NCKAP5: variants seen among roughly 807,000 people sequenced by gnomAD.
NCKAP5 encodes the protein NCK associated protein 5.
In NCKAP5, 92 loss-of-function variants were observed where a neutral mutation model predicts 167.0. The ratio of observed to expected loss-of-function variants is 0.55; its 90% CI spans 0.47 to 0.66. The LOEUF (loss-of-function observed/expected upper bound fraction) is 0.66. Ranked by LOEUF, NCKAP5 falls within the 30% of genes least tolerant of loss-of-function variation. The pLI, the probability that NCKAP5 is intolerant of heterozygous loss-of-function variation, is 0.00. For synonymous variants in NCKAP5, 891 were observed against 877.4 expected (o/e 1.02, Z -0.27); for missense variants, 2,378 against 2,315.0 (o/e 1.03, Z -0.56).
the NCKAP5 span, among the ~76,000 whole-genome samples, chr2:133,620,433 T>A: frequency 1.3e-5 from 2 of 151,990 alleles, no homozygotes; most frequent in Admixed American, 1.3e-4. Context: ...AAAAAGATAG[T>A]CCATGCAAAT....
intron 6 of NCKAP5, among the ~76,000 whole-genome samples, chr2:133,124,281 A>G (rs2082336018): frequency 6.6e-6 from 1 of 152,202 alleles, no homozygotes; most frequent in Non-Finnish European, 1.5e-5. Flanking sequence ...CCCCTTATTT[A>G]GAGGTACAAT....
intron 16 of NCKAP5, among the ~76,000 whole-genome samples, chr2:132,732,662 A>G (rs1691143459): frequency 6.6e-6 from 1 of 152,236 alleles, no homozygotes; most frequent in Admixed American, 6.5e-5. Flanking sequence ...CCTTATTTCA[A>G]TCTGGGAATC....
In NCKAP5 at chr2:132,781,034, G is replaced by C. The variant is rs754257387; in HGVS notation, c.5049+18C>G. ...TCTCAGATTGTAGCACTTGATACCA[G>C]GATGGTGGAGCACTTACCAGGGAGT... On this transcript the variant is annotated intron_variant, in intron 15 of 19. Transcript: ENST00000409261. 1.9e-6 allele frequency: 3 copies of C among 1,611,030 alleles called. No homozygotes were observed. In the South Asian group the frequency reaches 3.3e-5, roughly 18 times the overall value.
intron 16 of NCKAP5, among the ~76,000 whole-genome samples, chr2:132,760,863 T>A (rs925460639): frequency 6.6e-6 from 1 of 152,200 alleles, no homozygotes; most frequent in Non-Finnish European, 1.5e-5. Flanking sequence ...CTTCTGCCAT[T>A]CTTATTACAT....
At chr2:133,176,256 A>G (rs1052538038) in intron 5 of NCKAP5, among the ~76,000 whole-genome samples, 1 of 152,250 alleles carries the variant, frequency 6.6e-6, no homozygotes, top group East Asian at 1.9e-4. Flanking sequence ...GTTGCCATGA[A>G]AAGCCACATC....
intron 4 of NCKAP5, among the ~76,000 whole-genome samples, chr2:133,249,563 G>A (rs765860575): frequency 3.3e-5 from 5 of 152,186 alleles, no homozygotes; most frequent in Non-Finnish European, 5.9e-5. Context: ...ATCTCTGATT[G>A]TTCTAGGTAC....
intron 3 of NCKAP5, among the ~76,000 whole-genome samples, chr2:133,484,953 G>A (rs571441568): frequency 3.9e-4 from 60 of 152,282 alleles, no homozygotes; most frequent in African/African-American, 1.4e-3. Context: ...AACAGAATAT[G>A]CAAAATCAGG....
intron 6 of NCKAP5, among the ~76,000 whole-genome samples, chr2:133,092,586 C>A (rs183946646): frequency 6.7e-6 from 1 of 149,502 alleles, no homozygotes; most frequent in East Asian, 1.9e-4. Flanking sequence ...CCTAAAATAA[C>A]ATAATTTTTT....
intron 8 of NCKAP5, among the ~76,000 whole-genome samples, chr2:132,917,997 T>C (rs1170976780): frequency 6.6e-5 from 10 of 152,208 alleles, no homozygotes; most frequent in Admixed American, 6.5e-4. Context: ...TAAAATGCTG[T>C]CCATGCCTTT....
At chr2:132,733,398 C>T (rs566256098) in intron 16 of NCKAP5, among the ~76,000 whole-genome samples, 1 of 152,298 alleles carries the variant, frequency 6.6e-6, no homozygotes, top group South Asian at 2.1e-4. Flanking sequence ...TTCTTTGGTG[C>T]TTTAAGAACA....
chr2:132,906,847 C>T (rs1010700869), intron 8 of NCKAP5, among the ~76,000 whole-genome samples: 4 of 152,254 alleles, frequency 2.6e-5, no homozygotes, highest in Admixed American at 2.6e-4. Context: ...TCATGGACCT[C>T]AGGAGTTTGG....
At chr2:133,534,608 T>C (rs539833226) in intron 2 of NCKAP5, among the ~76,000 whole-genome samples, 5 of 152,314 alleles carry the variant, frequency 3.3e-5, no homozygotes, top group African/African-American at 1.2e-4. Flanking sequence ...TGTGACTAAC[T>C]TCTTCCACTT....
chr2:133,047,361 T>C (rs1404451746), intron 6 of NCKAP5, among the ~76,000 whole-genome samples: 1 of 152,340 alleles, frequency 6.6e-6, no homozygotes, highest in East Asian at 1.9e-4. Context: ...CTTGTGAGCT[T>C]TGAATAGTCA....
chr2:133,430,921 A>C (rs1157583320), intron 3 of NCKAP5, among the ~76,000 whole-genome samples: 1 of 151,990 alleles, frequency 6.6e-6, no homozygotes. Flanking sequence ...TACAGGTCTG[A>C]AATTGTTAAA....
chr2:132,840,178 G>A (rs1688197734), intron 11 of NCKAP5, among the ~76,000 whole-genome samples: 1 of 152,006 alleles, frequency 6.6e-6, no homozygotes, highest in East Asian at 1.9e-4. Flanking sequence ...ACAAATACAT[G>A]AGAACCAAGA....
chr2:132,978,573 C>A (rs567144732), intron 7 of NCKAP5, among the ~76,000 whole-genome samples: 1 of 152,292 alleles, frequency 6.6e-6, no homozygotes, highest in African/African-American at 2.4e-5. Context: ...TATTCCTCCT[C>A]CTGAGCACCT....
chr2:132,990,131 C>T (rs2077409171), intron 7 of NCKAP5, among the ~76,000 whole-genome samples: 1 of 152,140 alleles, frequency 6.6e-6, no homozygotes, highest in Non-Finnish European at 1.5e-5. Context: ...CTCTCATGTC[C>T]ATTTCAAGAG....
At chr2:132,734,090 T>G (rs1403273263) in intron 16 of NCKAP5, among the ~76,000 whole-genome samples, 1 of 152,216 alleles carries the variant, frequency 6.6e-6, no homozygotes, top group East Asian at 1.9e-4. Context: ...TTAGCCTCAT[T>G]AATTTCAGGG....
At chr2:132,987,693 C>G (rs888402717) in intron 7 of NCKAP5, among the ~76,000 whole-genome samples, 1 of 152,048 alleles carries the variant, frequency 6.6e-6, no homozygotes. Context: ...GTAGAGAGAA[C>G]CAAAAACTTG....
Sources: gnomAD v4.1 joint callset for allele counts (sites outside exome capture counted in the v4.1 genomes callset) on GRCh38, gnomAD v4.1.1 for gene constraint, MANE v1.5 for transcripts, NCBI Gene and HGNC (gene_info 2026-07-23, HGNC 2026-07-21) for gene names.